EPB41L5: variants seen among roughly 807,000 people sequenced by gnomAD.
The protein encoded by EPB41L5 is erythrocyte membrane protein band 4.1 like 5.
A neutral mutation model predicts 106.6 loss-of-function variants in EPB41L5; 55 were observed. The observed-to-expected ratio is 0.52, with a 90% confidence interval of 0.42 to 0.65. The LOEUF (loss-of-function observed/expected upper bound fraction) is 0.65. EPB41L5 is among the 30% of genes least tolerant of loss of function. The pLI is 0.00. For synonymous variants in EPB41L5, 297 were observed against 306.7 expected (o/e 0.97, Z 0.33); for missense variants, 871 against 882.1 (o/e 0.99, Z 0.16).
Position 120,175,070 on chromosome 2 carries a change from A to G in EPB41L5, c.*163A>G, listed in dbSNP as rs574471725. Reference sequence around the variant, plus strand: ...AAAAGACAGCTGTATTTTCCGTCCAACTGGAATTGTTGAATCACACTGCAT... The same window carrying G: ...AAAAGACAGCTGTATTTTCCGTCCAGCTGGAATTGTTGAATCACACTGCAT... On this transcript the variant is annotated 3_prime_UTR_variant, in exon 25 of 25. Transcript: ENST00000263713. 4.7e-5 allele frequency: 32 copies of G among 683,976 alleles called. No homozygotes were observed. The highest frequency in any genetic ancestry group is 2.0e-4 in the Admixed American group (9 of 44,308). The allele number at this position is 683,976 out of a possible 1,614,324, so 42.4% of individuals were successfully genotyped here.
chr2:120,178,193 T>C lies in EPB41L5; in HGVS notation c.*3286T>C, dbSNP rs1687984582. 2 of 152,420 alleles carry C rather than the reference T, an allele frequency of 1.3e-5. No individual in the cohort carries two copies. The highest frequency in any genetic ancestry group is 4.8e-5 in the African/African-American group (2 of 41,482). 9.4% of individuals were successfully genotyped at this position (152,420 alleles called of 1,614,324 possible). On this transcript the variant is annotated 3_prime_UTR_variant, in exon 25 of 25. Coordinates refer to ENST00000263713, the MANE Select transcript of EPB41L5 (RefSeq NM_020909.4). ...TCCCCTTTACAAAGCCGCTGACCCC[T>C]GATGTGAAACTTTGTAGAGCAGCAG...
At chr2:120,103,509 A>G (rs1376833506) in intron 16 of EPB41L5, among the ~76,000 whole-genome samples, 1 of 152,202 alleles carries the variant, frequency 6.6e-6, no homozygotes, top group Admixed American at 6.5e-5. Context: ...GGGAACATTG[A>G]TGTAAAATTA....
chr2:120,073,660 C>T (rs1295437253), intron 4 of EPB41L5, among the ~76,000 whole-genome samples: 1 of 152,108 alleles, frequency 6.6e-6, no homozygotes, highest in Non-Finnish European at 1.5e-5. Flanking sequence ...TCCAACTTGA[C>T]TTTTTATCAG....
intron 16 of EPB41L5, chr2:120,105,810 C>G (rs1684420572): frequency 2.0e-6 from 2 of 985,126 alleles, no homozygotes; most frequent in Non-Finnish European, 2.4e-6. Context: ...ATTGTCATGG[C>G]TGATTTTTTT....
At position 120,013,200 on chromosome 2, in the gene EPB41L5, C is replaced by A. The variant is rs1388380056; in HGVS notation, c.-19C>A. On this transcript the variant is annotated 5_prime_UTR_variant, in exon 1 of 25. Transcript: ENST00000263713. ...GCTCTGGTCGCCGGGGCTGCGCCGT[C>A]CCCAGCTCAGGTAAGCGCGAGGCCC... 2.0e-5 allele frequency: 3 copies of A among 152,290 alleles called. No homozygotes were observed. The highest frequency in any genetic ancestry group is 4.4e-5 in the Non-Finnish European group (3 of 68,206). 9.4% of individuals were successfully genotyped at this position (152,290 alleles called of 1,614,324 possible). A position where few individuals can be genotyped will look rare whatever the true frequency, so the allele number is the denominator to read the frequency against.
Position 120,041,321 on chromosome 2 carries a change from C to G in EPB41L5, c.181-685C>G, listed in dbSNP as rs1393615731. The stretch of plus-strand genomic sequence containing the variant: ...GTTTTGTTTCAGGTATATAAGAAAC[C>G]TAGGACCTCATGAATCTTTTGAAAG... On this transcript the variant is annotated intron_variant, in intron 2 of 24. Transcript: ENST00000263713. 3.3e-5 allele frequency among the ~76,000 whole-genome samples: 5 copies of G among 152,068 alleles called. No homozygotes were observed. The South Asian group carries it at 6.2e-4, about 19-fold the overall frequency.
At chr2:120,013,733 G>A (rs981830350) in intron 1 of EPB41L5, 4 of 152,222 alleles carry the variant, frequency 2.6e-5, no homozygotes, top group Admixed American at 2.6e-4. Context: ...CCCCCACCCG[G>A]GACGGTTGTC....
At chr2:120,161,942 C>A (rs1687155639) in intron 21 of EPB41L5, among the ~76,000 whole-genome samples, 3 of 152,186 alleles carry the variant, frequency 2.0e-5, no homozygotes, top group Admixed American at 2.0e-4. Context: ...TTGTCTTCCA[C>A]AAAACTGGTC....
chr2:120,112,008 C>G (rs1270359672), intron 16 of EPB41L5, among the ~76,000 whole-genome samples: 1 of 152,098 alleles, frequency 6.6e-6, no homozygotes, highest in Non-Finnish European at 1.5e-5. Flanking sequence ...ATGGTTCATT[C>G]CGGCACCATC....
At chr2:120,094,642 G>A (rs1683626032) in intron 14 of EPB41L5, among the ~76,000 whole-genome samples, 1 of 151,798 alleles carries the variant, frequency 6.6e-6, no homozygotes. Flanking sequence ...TGTTTTTCTA[G>A]TATTTAAGGT....
At chr2:120,029,340 AT>A (rs1243962532) in intron 2 of EPB41L5, among the ~76,000 whole-genome samples, 1 of 152,022 alleles carries the variant, frequency 6.6e-6, no homozygotes, top group Non-Finnish European at 1.5e-5. Context: ...TAATTTTTGT[AT>A]TTTTAGTAGA....
Position 120,069,876 on chromosome 2 carries a change from A to G in EPB41L5, c.286-3302A>G, listed in dbSNP as rs75297106. ...ACAGGAGAAAGCAGGAAAGATCTAAAATCGACACCCTAACGTCACGATTAA... is the reference window on the plus strand; with the variant it reads ...ACAGGAGAAAGCAGGAAAGATCTAAGATCGACACCCTAACGTCACGATTAA... On this transcript the variant is annotated intron_variant, in intron 3 of 24. Transcript: ENST00000263713. 5.3e-3 allele frequency among the ~76,000 whole-genome samples: 803 copies of G among 152,324 alleles called. 4 individuals are homozygous for G. The highest frequency in any genetic ancestry group is 0.019 in the African/African-American group (773 of 41,574).
intron 16 of EPB41L5, chr2:120,105,779 C>G: frequency 1.0e-6 from 1 of 985,216 alleles, no homozygotes; most frequent in Non-Finnish European, 1.2e-6. Context: ...CTTTACATAG[C>G]TCAGATGATA....
In EPB41L5 at chr2:120,075,817, TAAA is replaced by T. The variant is rs1682195310; in HGVS notation, c.505+65_505+67del. ...AATCTTTTTTGTGTGTGTTTTTAGT[TAAA>T]GAAGATTCTAATTATGTGCAAGAAA... On this transcript the variant is annotated intron_variant, in intron 7 of 24. Transcript: ENST00000263713. 1.2e-5 allele frequency: 15 copies of T among 1,268,752 alleles called. No homozygotes were observed. In the South Asian group the frequency reaches 1.7e-4, roughly 14 times the overall value. 78.6% of individuals were successfully genotyped at this position (1,268,752 alleles called of 1,614,324 possible). A position where few individuals can be genotyped will look rare whatever the true frequency, so the allele number is the denominator to read the frequency against.
intron 15 of EPB41L5, 90 bp from the exon 16 acceptor site, chr2:120,100,609 C>A: frequency 1.1e-6 from 1 of 903,290 alleles, no homozygotes; most frequent in Non-Finnish European, 1.8e-6. Flanking sequence ...TAATTGTTGG[C>A]TTTGTAAATA....
At chr2:120,167,403 TA>T (rs1176642660) in intron 22 of EPB41L5, 62 bp from the exon 23 acceptor site, 1 of 1,352,010 alleles carries the variant, frequency 7.4e-7, no homozygotes, top group Non-Finnish European at 1.1e-6. Context: ...AAGTAAGTAT[TA>T]TAAGTATGAA....
At chr2:120,074,687 C>T (rs1487896516) in intron 5 of EPB41L5, among the ~76,000 whole-genome samples, 1 of 152,016 alleles carries the variant, frequency 6.6e-6, no homozygotes, top group Non-Finnish European at 1.5e-5. Flanking sequence ...TATTCATGGT[C>T]TCTATTATAA....
intron 11 of EPB41L5, among the ~76,000 whole-genome samples, chr2:120,088,105 G>A (rs544624927): frequency 2.6e-5 from 4 of 152,312 alleles, no homozygotes; most frequent in African/African-American, 9.6e-5. Context: ...TAGACACTAT[G>A]TATATGGGTA....
intron 3 of EPB41L5, among the ~76,000 whole-genome samples, chr2:120,044,922 A>G (rs570164571): frequency 6.6e-6 from 1 of 152,334 alleles, no homozygotes; most frequent in East Asian, 1.9e-4. Context: ...AGTAGATTAA[A>G]GATATTAAAA....
Sources: gnomAD v4.1 joint callset for allele counts (sites outside exome capture counted in the v4.1 genomes callset) on GRCh38, gnomAD v4.1.1 for gene constraint, MANE v1.5 for transcripts, NCBI Gene and HGNC (gene_info 2026-07-23, HGNC 2026-07-21) for gene names.